PUM1: variants seen among roughly 807,000 people sequenced by gnomAD.
PUM1 encodes pumilio RNA binding family member 1, also known as pumilio homolog 1.
In PUM1, 13 loss-of-function variants were observed where a neutral mutation model predicts 131.8. The ratio of observed to expected loss-of-function variants is 0.10; its 90% CI spans 0.06 to 0.16. PUM1 has a LOEUF of 0.16. Among genes scored for constraint, PUM1 ranks in the 10% least tolerant of loss-of-function variants. PUM1 has a pLI of 1.00. For missense variants in PUM1, 961 were observed against 1,512.4 expected (o/e 0.64, Z 6.05); for synonymous variants, 509 against 556.5 (o/e 0.91, Z 1.20).
intron 1 of PUM1, among the ~76,000 whole-genome samples, chr1:31,062,433 A>T (rs759222910): frequency 3.9e-4 from 60 of 152,246 alleles, no homozygotes; most frequent in African/African-American, 1.4e-3. Flanking sequence ...CAGCCTGGCC[A>T]ATATACTGAA....
At chr1:30,976,171 T>C (rs1193706739) in intron 9 of PUM1, among the ~76,000 whole-genome samples, 2 of 151,808 alleles carry the variant, frequency 1.3e-5, no homozygotes, top group Non-Finnish European at 2.9e-5. Context: ...ACAGCTGCAG[T>C]CGGCCACATA....
intron 18 of PUM1, 103 bp downstream of exon 18, chr1:30,945,243 A>G (rs1639623699): frequency 1.5e-6 from 2 of 1,346,408 alleles, no homozygotes; most frequent in South Asian, 1.3e-5. Context: ...CAAAAAAAAT[A>G]AAGTACATTA....
intron 3 of PUM1, among the ~76,000 whole-genome samples, chr1:31,018,904 A>G (rs1642920630): frequency 6.6e-6 from 1 of 152,192 alleles, no homozygotes; most frequent in Admixed American, 6.5e-5. Flanking sequence ...AAAAACACAA[A>G]CAGATCCAAA....
At chr1:31,009,782 A>AC (rs1553150212) in intron 3 of PUM1, among the ~76,000 whole-genome samples, 1 of 125,368 alleles carries the variant, frequency 8.0e-6, no homozygotes, top group Non-Finnish European at 1.6e-5. Flanking sequence ...AAAAAAAAAA[A>AC]AAAAACAAAA....
intron 1 of PUM1, among the ~76,000 whole-genome samples, chr1:31,060,720 T>C (rs1421235480): frequency 6.6e-6 from 1 of 151,876 alleles, no homozygotes; most frequent in African/African-American, 2.4e-5. Context: ...ACCCCATCTC[T>C]ACTGGAAATA....
chr1:30,950,032 A>G lies in PUM1; in HGVS notation c.2856+95T>C, dbSNP rs902259196. ...GCCATAAGCAACAATGCAAAACCAT[A>G]AAAGAAAACTGAAAATTGACAGAAT... On this transcript the variant is annotated intron_variant, in intron 17 of 21. Transcript: ENST00000426105. The G allele has an allele frequency of 4.9e-6, 7 of 1,416,300 alleles. No individual in the cohort carries two copies. In the African/African-American group the frequency reaches 8.7e-5, roughly 18 times the overall value. 87.7% of individuals were successfully genotyped at this position (1,416,300 alleles called of 1,614,324 possible).
intron 10 of PUM1, among the ~76,000 whole-genome samples, chr1:30,974,100 A>C (rs1641041376): frequency 1.3e-5 from 1 of 75,444 alleles, no homozygotes; most frequent in Non-Finnish European, 3.4e-5. Flanking sequence ...AAAAAAAAAA[A>C]AGGTGTTATT....
chr1:30,943,277 T>A (rs78301254), intron 18 of PUM1, among the ~76,000 whole-genome samples: 3 of 152,096 alleles, frequency 2.0e-5, no homozygotes, highest in South Asian at 2.1e-4. Context: ...TTTTTTTTTT[T>A]ATTAGACAGA....
chr1:31,036,464 T>C (rs1309020043), intron 2 of PUM1, among the ~76,000 whole-genome samples: 1 of 152,138 alleles, frequency 6.6e-6, no homozygotes, highest in Non-Finnish European at 1.5e-5. Flanking sequence ...ACATGGCCAG[T>C]ACTTTCGAGG....
chr1:31,033,545 TGAA>T (rs1002028192), intron 2 of PUM1, among the ~76,000 whole-genome samples: 2 of 152,122 alleles, frequency 1.3e-5, no homozygotes, highest in African/African-American at 4.8e-5. Context: ...TCATATTTTT[TGAA>T]GAAGACGAGG....
intron 3 of PUM1, among the ~76,000 whole-genome samples, chr1:31,009,776 A>AAAAAACAAAC (rs1553150228): frequency 3.2e-5 from 2 of 62,170 alleles, no homozygotes; most frequent in African/African-American, 1.4e-4. Context: ...TCAAAAAAAA[A>AAAAAACAAAC]AAAAAAAAAA....
At chr1:31,015,244 T>C (rs989087921) in intron 3 of PUM1, among the ~76,000 whole-genome samples, 2 of 152,226 alleles carry the variant, frequency 1.3e-5, no homozygotes, top group African/African-American at 4.8e-5. Context: ...AATTCTCTAA[T>C]AAATAAAACT....
chr1:31,035,722 G>A (rs138334159), intron 2 of PUM1, among the ~76,000 whole-genome samples: 5 of 152,118 alleles, frequency 3.3e-5, no homozygotes, highest in South Asian at 4.1e-4. Context: ...CTGCACTCCT[G>A]CCTGGGCAAC....
intron 2 of PUM1, among the ~76,000 whole-genome samples, chr1:31,045,515 A>G (rs1643935453): frequency 6.6e-6 from 1 of 152,132 alleles, no homozygotes; most frequent in Non-Finnish European, 1.5e-5. Context: ...TTGGGAGGTC[A>G]AGGCAGGAGG....
chr1:30,981,394 T>C lies in PUM1; in HGVS notation c.1170A>G (p.Arg390=), dbSNP rs751589278. Residue 390 remains arginine (R), a synonymous_variant, in exon 8 of 22, where the codon AGA becomes AGG. Transcript: ENST00000426105. ...DYNSQQQLFQ[R]PNALAVQQLT... ...ACTGCTGGACAGCAAGCGCATTAGG[T>C]CTTTGGAACAGCTGAGGCAAGAGGA... The C allele has an allele frequency of 1.3e-6, 2 of 1,598,300 alleles. No individual in the cohort carries two copies. Among genetic ancestry groups the C allele is most frequent in the African/African-American group, 1.3e-5 (1 of 74,582 alleles).
intron 2 of PUM1, among the ~76,000 whole-genome samples, chr1:31,044,636 T>C (rs1393713363): frequency 6.6e-6 from 1 of 152,072 alleles, no homozygotes; most frequent in Non-Finnish European, 1.5e-5. Context: ...ATGATTATGA[T>C]ATATGCACAA....
At chr1:30,978,204 G>A (rs1196687840) in intron 9 of PUM1, among the ~76,000 whole-genome samples, 3 of 152,004 alleles carry the variant, frequency 2.0e-5, no homozygotes, top group Non-Finnish European at 4.4e-5. Context: ...AGCCGAGATC[G>A]CACCACTGAA....
rs5773333 is a variant in PUM1, at chr1:31,028,419, C to CG, written c.432+376dup. 8.9e-3 allele frequency among the ~76,000 whole-genome samples: 1,040 copies of CG among 116,584 alleles called. 11 individuals carry two copies. The highest frequency in any genetic ancestry group is 0.014 in the Non-Finnish European group (766 of 52,926). 76.5% of individuals were successfully genotyped at this position (116,584 alleles called of 152,430 possible). On this transcript the variant is annotated intron_variant, in intron 3 of 21. Transcript: ENST00000426105. ...AATCTAAGACTCCCTTTGCCATTGG[C>CG]GGGGGGGGTGGGTTGGGGGAAAACC...
intron 10 of PUM1, among the ~76,000 whole-genome samples, chr1:30,973,267 A>AC (rs1641001410): frequency 1.3e-5 from 2 of 151,786 alleles, no homozygotes; most frequent in Non-Finnish European, 2.9e-5. Flanking sequence ...AAAAAAAAAA[A>AC]ATTAAACATA....
Sources: allele counts gnomAD v4.1 joint callset (sites outside exome capture counted in the v4.1 genomes callset), GRCh38; gene constraint gnomAD v4.1.1; transcripts MANE v1.5; gene names NCBI Gene and HGNC (gene_info 2026-07-23, HGNC 2026-07-21).